RFXAP: variants seen among roughly 807,000 people sequenced by gnomAD.
The protein encoded by RFXAP is regulatory factor X associated protein.
RFXAP carries 21 observed loss-of-function variants against 25.7 expected under a neutral mutation model. That is an observed-to-expected ratio of 0.82 (90% confidence interval 0.58 to 1.18). The LOEUF is 1.18. RFXAP is among the 50% of genes most tolerant of loss of function. The probability of loss-of-function intolerance (pLI) is 0.00; values close to 1 mark genes in which losing one functional copy is unlikely to be tolerated. For synonymous variants in RFXAP, 161 were observed against 152.2 expected, an observed-to-expected ratio of 1.06 and a Z score of -0.43; for missense variants, 333 against 363.0, an observed-to-expected ratio of 0.92 and a Z score of 0.67.
rs968148736 is a variant in RFXAP, at chr13:36,827,554, T to A, written c.709-89T>A. On this transcript the variant is annotated intron_variant, in intron 2 of 2. Coordinates refer to ENST00000255476, the MANE Select transcript of RFXAP (RefSeq NM_000538.4). ...ATATTCTTGTGAACATATTGTATCA[T>A]ATGTAGGGACACATCAGAGTAATTA... 3 of 919,076 alleles carry A rather than the reference T, an allele frequency of 3.3e-6. No individual in the cohort carries two copies. The African/African-American group carries it at 5.0e-5, about 15-fold the overall frequency. 56.9% of individuals were successfully genotyped at this position (919,076 alleles called of 1,614,324 possible).
In RFXAP at chr13:36,819,690, A is replaced by G. The variant is rs1310252099; in HGVS notation, c.333A>G (p.Leu111=). ...AGAGCGCGGCTAGTTTGGAGGATCT[A>G]GAGGACGAGGAGACTCACTCGGGGG... ...GGESAASLED[L]EDEETHSGGE... is the part of the protein sequence containing the mutation. The change falls in exon 1 of 3, where the codon CTA becomes CTG. Residue 111 remains leucine, a synonymous_variant. Coordinates refer to ENST00000255476, the MANE Select transcript of RFXAP (RefSeq NM_000538.4). 5.0e-5 allele frequency: 78 copies of G among 1,550,066 alleles called. No homozygotes were observed. Among genetic ancestry groups the G allele is most frequent in the Non-Finnish European group, 6.5e-5 (74 of 1,146,510 alleles).
At position 36,825,498 on chromosome 13, in the gene RFXAP, C is replaced by A. The variant is rs1391829545; in HGVS notation, c.671C>A (p.Pro224His). ...TCTTTTGGGGATCGTCCTGCAAGAC[C>A]TACTCTTTTAGAACAAGTGTTAAAT... ...TGSFGDRPAR[P>H]TLLEQVLNQK... Residue 224 changes from proline (P) to histidine (H), a missense_variant, in exon 2 of 3, where the codon CCT becomes CAT. Coordinates refer to ENST00000255476, the MANE Select transcript of RFXAP (RefSeq NM_000538.4). The A allele has an allele frequency of 1.4e-5, 22 of 1,612,520 alleles. No homozygotes were observed. The highest frequency in any genetic ancestry group is 1.9e-5 in the Non-Finnish European group (22 of 1,179,304).
rs1344939848 is a variant in RFXAP at position 36,819,401 on chromosome 13, C to T, written c.44C>T (p.Ala15Val). 3.1e-6 allele frequency: 4 copies of T among 1,306,746 alleles called. No individual in the cohort carries two copies. The highest frequency in any genetic ancestry group is 6.2e-5 in the East Asian group (2 of 32,310). The allele number at this position is 1,306,746 out of a possible 1,614,324, so 80.9% of individuals were successfully genotyped here. A position where few individuals can be genotyped will look rare whatever the true frequency, so the allele number is the denominator to read the frequency against. The change falls in exon 1 of 3, where the codon GCC (alanine) becomes GTC (valine). Residue 15 changes from alanine to valine, a missense_variant. Transcript: ENST00000255476. ...GCGGAGGGCGCGGGGCCGGGCGCCG[C>T]CAGCGGCGTGCCCCACCCCGCGGCC... ...GVAEGAGPGA[A>V]SGVPHPAALA...
chr13:36,819,240 T>A lies in RFXAP; in HGVS notation c.-118T>A. The A allele has an allele frequency of 2.9e-6, 3 of 1,031,922 alleles. No homozygotes were observed. Among genetic ancestry groups the A allele is most frequent in the South Asian group, 5.0e-5 (1 of 20,140 alleles). 63.9% of individuals were successfully genotyped at this position (1,031,922 alleles called of 1,614,324 possible). A position where few individuals can be genotyped will look rare whatever the true frequency, so the allele number is the denominator to read the frequency against. On this transcript the variant is annotated 5_prime_UTR_variant, in exon 1 of 3. Transcript: ENST00000255476. ...GTCGCGCAGGCGCAGTCGGGGCGCC[T>A]TCCCGGTATAGGCGCCTTTTACCCC... is the stretch of plus-strand genomic sequence containing the variant.
At chr13:36,824,549 T>C (rs2057972166) in intron 1 of RFXAP, among the ~76,000 whole-genome samples, 1 of 152,188 alleles carries the variant, frequency 6.6e-6, no homozygotes, top group Non-Finnish European at 1.5e-5. Context: ...AGGTATGGCT[T>C]TCCGGTAAAA....
intron 1 of RFXAP, among the ~76,000 whole-genome samples, chr13:36,820,561 C>T (rs2057958715): frequency 6.6e-6 from 1 of 152,182 alleles, no homozygotes; most frequent in Non-Finnish European, 1.5e-5. Flanking sequence ...CCCTTGTTCT[C>T]ATGTTCTCAC....
At chr13:36,827,504 A>T in intron 2 of RFXAP, 139 bp from the exon 3 acceptor site, 1 of 633,050 alleles carries the variant, frequency 1.6e-6, no homozygotes, top group Non-Finnish European at 2.8e-6. Context: ...AGTGCATCCG[A>T]TGTAAAAGTG....
At chr13:36,822,973 A>G (rs1355621830) in intron 1 of RFXAP, among the ~76,000 whole-genome samples, 1 of 152,220 alleles carries the variant, frequency 6.6e-6, no homozygotes, top group Non-Finnish European at 1.5e-5. Flanking sequence ...AAGGCTTTGC[A>G]GAGGAAACGT....
At chr13:36,823,312 C>T (rs113647052) in intron 1 of RFXAP, among the ~76,000 whole-genome samples, 1,753 of 152,284 alleles carry the variant, frequency 0.012, 34 homozygotes, top group African/African-American at 0.039. Flanking sequence ...AGTAGGAATA[C>T]AGAAAACACT....
chr13:36,819,960 A>C lies in RFXAP; in HGVS notation c.600+3A>C, dbSNP rs372895488. The C allele has an allele frequency of 6.2e-7, 1 of 1,613,686 alleles. No individual in the cohort carries two copies. Among genetic ancestry groups the C allele is most frequent in the African/African-American group, 1.3e-5 (1 of 75,058 alleles). ...GCGCGGGAAACGTCAAACTCGAGGTATCAGACTTAGCTGAGGCCTGGGGAT... is the reference window on the plus strand; with the variant it reads ...GCGCGGGAAACGTCAAACTCGAGGTCTCAGACTTAGCTGAGGCCTGGGGAT... On this transcript the variant is annotated splice_donor_region_variant and intron_variant, in intron 1 of 2. Transcript: ENST00000255476.
chr13:36,827,087 G>C (rs2057980478), intron 2 of RFXAP, among the ~76,000 whole-genome samples: 1 of 152,042 alleles, frequency 6.6e-6, no homozygotes, highest in Non-Finnish European at 1.5e-5. Flanking sequence ...GGATGTTTTA[G>C]AGCAGTTATA....
rs200198351 is a variant in RFXAP at position 36,819,930 on chromosome 13, T to A, written c.573T>A (p.Thr191=). 12 of 1,613,884 alleles carry A rather than the reference T, an allele frequency of 7.4e-6. No homozygotes were observed. In the African/African-American group the frequency reaches 1.2e-4, roughly 16 times the overall value. ...TGAACTGCGGTGGGACTGCCTCGAC[T>A]GGCAGCGCGGGAAACGTCAAACTCG... ...QALNCGGTAS[T]GSAGNVKLEE... is the part of the protein sequence containing the mutation. Residue 191 remains threonine, a synonymous_variant, in exon 1 of 3, where the codon ACT becomes ACA. Coordinates refer to ENST00000255476, the MANE Select transcript of RFXAP (RefSeq NM_000538.4).
At chr13:36,823,159 C>G (rs1375699952) in intron 1 of RFXAP, among the ~76,000 whole-genome samples, 3 of 152,148 alleles carry the variant, frequency 2.0e-5, no homozygotes, top group South Asian at 2.1e-4. Flanking sequence ...AGAATTTGGC[C>G]TAGGTCATAC....
At chr13:36,826,251 G>A (rs1387835419) in intron 2 of RFXAP, among the ~76,000 whole-genome samples, 2 of 152,020 alleles carry the variant, frequency 1.3e-5, no homozygotes, top group Admixed American at 1.3e-4. Context: ...TGCAAAGAAA[G>A]TTTATTACAA....
chr13:36,827,621 AT>A (rs142664820), intron 2 of RFXAP, 21 bp from the exon 3 acceptor site: 24 of 1,540,804 alleles, frequency 1.6e-5, no homozygotes, highest in Non-Finnish European at 2.0e-5. Context: ...GCTATTAATA[AT>A]TTTTTTCTTT....
Position 36,828,003 on chromosome 13 carries a change from A to G in RFXAP, c.*250A>G. On this transcript the variant is annotated 3_prime_UTR_variant, in exon 3 of 3. Transcript: ENST00000255476. ...TTAATTATAATGTTTTTTAAAAAAT[A>G]TATTCCTCTTCAGTCATTGTTACTG... 1 of 444,994 alleles carries G rather than the reference A, an allele frequency of 2.2e-6. No homozygotes were observed. 27.6% of individuals were successfully genotyped at this position (444,994 alleles called of 1,614,324 possible). A position where few individuals can be genotyped will look rare whatever the true frequency, so the allele number is the denominator to read the frequency against.
chr13:36,826,475 A>G (rs1222345394), intron 2 of RFXAP, among the ~76,000 whole-genome samples: 1 of 152,210 alleles, frequency 6.6e-6, no homozygotes, highest in Non-Finnish European at 1.5e-5. Flanking sequence ...AGTTAATGGC[A>G]TTATATATTG....
chr13:36,825,900 C>A (rs1372126967), intron 2 of RFXAP, among the ~76,000 whole-genome samples: 1 of 145,264 alleles, frequency 6.9e-6, no homozygotes, highest in East Asian at 1.9e-4. Context: ...CCTGGTTGGG[C>A]ATTGTGGTTC....
At chr13:36,820,826 A>C (rs2138213874) in intron 1 of RFXAP, among the ~76,000 whole-genome samples, 1 of 152,332 alleles carries the variant, frequency 6.6e-6, no homozygotes, top group South Asian at 2.1e-4. Context: ...AAACTCTGTA[A>C]AATGGGCATT....
Sources: gnomAD v4.1 joint callset for allele counts (sites outside exome capture counted in the v4.1 genomes callset) on GRCh38, gnomAD v4.1.1 for gene constraint, MANE v1.5 for transcripts, NCBI Gene and HGNC (gene_info 2026-07-23, HGNC 2026-07-21) for gene names.